Variants in VPS53 observed in about 807,000 individuals in gnomAD.
The protein encoded by VPS53 is VPS53 subunit of GARP complex, also known as vacuolar protein sorting-associated protein 53 homolog.
A neutral mutation model predicts 107.0 loss-of-function variants in VPS53; 70 were observed. That is an observed-to-expected ratio of 0.65 (90% CI 0.54 to 0.80). The LOEUF (loss-of-function observed/expected upper bound fraction) is 0.80, where lower values mean the gene tolerates loss of function less well. Among genes scored for constraint, VPS53 ranks in the 30% least tolerant of loss-of-function variants. The pLI is 0.00. For missense variants in VPS53, 917 were observed against 1,049.4 expected (o/e 0.87, Z 1.74); for synonymous variants, 409 against 393.3 (o/e 1.04, Z -0.47).
intron 13 of VPS53, among the ~76,000 whole-genome samples, chr17:564,250 C>T (rs1466942737): frequency 1.3e-5 from 2 of 151,248 alleles, no homozygotes; most frequent in East Asian, 2.0e-4. Flanking sequence ...CAAAAATTAG[C>T]GTGGTGTGGG....
In VPS53 at chr17:543,279, G is replaced by A. The variant is rs142040019; in HGVS notation, c.1867-6103C>T. On this transcript the variant is annotated intron_variant, in intron 17 of 21. Coordinates refer to ENST00000437048, the MANE Select transcript of VPS53 (RefSeq NM_001128159.3). ...GCATTTTAATGACTGAGGAAAATGA[G>A]AACAGACTTGAGAACTCTTCTACCT... Among the ~76,000 whole-genome samples, 543 of 152,330 alleles carry A rather than the reference G, an allele frequency of 3.6e-3. 1 individual carries two copies. The highest frequency in any genetic ancestry group is 3.7e-3 in the Non-Finnish European group (255 of 68,038).
At chr17:700,905 C>G (rs559299984) in intron 2 of VPS53, among the ~76,000 whole-genome samples, 1 of 152,282 alleles carries the variant, frequency 6.6e-6, no homozygotes, top group South Asian at 2.1e-4. Flanking sequence ...AGGAGCAGGT[C>G]TGGTAAGAGA....
intron 7 of VPS53, among the ~76,000 whole-genome samples, chr17:637,938 T>C (rs937365740): frequency 1.3e-5 from 2 of 152,242 alleles, no homozygotes; most frequent in African/African-American, 4.8e-5. Context: ...TAGGTCCGTT[T>C]GGTGCACAGC....
At chr17:533,488 T>C (rs971295984) in intron 18 of VPS53, among the ~76,000 whole-genome samples, 1 of 152,182 alleles carries the variant, frequency 6.6e-6, no homozygotes, top group Admixed American at 6.5e-5. Flanking sequence ...ACTGAGCCAC[T>C]TGCAGATCCC....
intron 7 of VPS53, among the ~76,000 whole-genome samples, chr17:633,853 G>GCGCACA: frequency 6.6e-6 from 1 of 152,326 alleles, no homozygotes; most frequent in African/African-American, 2.4e-5. Context: ...TTCTTGTGAT[G>GCGCACA]CGCACACGAG....
intron 7 of VPS53, among the ~76,000 whole-genome samples, chr17:641,829 T>A (rs1376141005): frequency 6.6e-6 from 1 of 152,166 alleles, no homozygotes; most frequent in East Asian, 1.9e-4. Flanking sequence ...CCTCCTGGCA[T>A]CCACGTAAGT....
At chr17:649,012 A>G (rs62053772) in intron 7 of VPS53, among the ~76,000 whole-genome samples, 1,856 of 10,860 alleles carry the variant, frequency 0.17, 880 homozygotes, top group South Asian at 0.41. Context: ...ATGAACAGGC[A>G]ATGAAAATCT....
rs1337142277 is a variant in VPS53 at position 519,851 on chromosome 17, G to C, written c.2303C>G (p.Thr768Ser). 1 of 1,551,682 alleles carries C rather than the reference G, an allele frequency of 6.4e-7. No individual in the cohort carries two copies. The highest frequency in any genetic ancestry group is 2.4e-5 in the East Asian group (1 of 40,926). The change falls in exon 21 of 22, where the codon ACC becomes AGC. Residue 768 changes from threonine to serine, a missense_variant. Transcript: ENST00000437048. The surrounding 1 kb of genome is among the most constrained non-coding windows in gnomAD (Gnocchi z 5.0). ...IKLLTDCNTE[T>S]FQKILDMKGL... ...CTTCATGTCCAGTATCTTCTGAAAG[G>C]TTTCTGTGTTGCAGTCTGTGAGAAG...
rs909535792 is a variant in VPS53, at chr17:511,919, G to A, written c.*7209C>T. On this transcript the variant is annotated 3_prime_UTR_variant, in exon 22 of 22. Coordinates refer to ENST00000437048, the MANE Select transcript of VPS53 (RefSeq NM_001128159.3). ...GCAACCCTCGCAATTCGCATTCACA[G>A]GAGACATGCCCTATTTTCCACAACA... is the stretch of plus-strand genomic sequence containing the variant. 2.0e-5 allele frequency: 3 copies of A among 152,206 alleles called. No homozygotes were observed. The highest frequency in any genetic ancestry group is 2.0e-4 in the Admixed American group (3 of 15,262). The allele number at this position is 152,206 out of a possible 1,614,324, so 9.4% of individuals were successfully genotyped here.
chr17:529,156 C>T (rs1909337249), intron 19 of VPS53, among the ~76,000 whole-genome samples: 1 of 151,910 alleles, frequency 6.6e-6, no homozygotes, highest in Non-Finnish European at 1.5e-5. Context: ...TTGAATGATG[C>T]CACTTTGGTC....
In VPS53 at chr17:562,968, G is replaced by A. The variant is rs571391103; in HGVS notation, c.1314-223C>T. On this transcript the variant is annotated intron_variant, in intron 13 of 21. Transcript: ENST00000437048. ...CATATGAGATTCTAATCTCTAAGTC[G>A]ATTGACATTTGTGCTTTATACTTTT... 1.2e-4 allele frequency among the ~76,000 whole-genome samples: 19 copies of A among 152,102 alleles called. 1 individual carries two copies. Among genetic ancestry groups the A allele is most frequent in the African/African-American group, 3.9e-4 (16 of 41,500 alleles).
At chr17:560,386 A>G (rs746702001) in intron 15 of VPS53, 40 bp downstream of exon 15, 12 of 1,594,476 alleles carry the variant, frequency 7.5e-6, no homozygotes, top group Middle Eastern at 4.6e-4. Flanking sequence ...CAGAGGGTTC[A>G]GGAAAAGGAG....
Position 622,311 on chromosome 17 carries a change from T to C in VPS53, c.1116+1222A>G, listed in dbSNP as rs143263150. Reference sequence around the variant, plus strand: ...TCACTACATTACAGCAGAATCGGGATTAGACCACAAGTCTTGACTGCTGGT... The same window carrying C: ...TCACTACATTACAGCAGAATCGGGACTAGACCACAAGTCTTGACTGCTGGT... On this transcript the variant is annotated intron_variant, in intron 11 of 21. Coordinates refer to ENST00000437048, the MANE Select transcript of VPS53 (RefSeq NM_001128159.3). Among the ~76,000 whole-genome samples the C allele has an allele frequency of 8.9e-3, 1,363 of 152,302 alleles. 13 individuals are homozygous for C. Among genetic ancestry groups the C allele is most frequent in the Non-Finnish European group, 0.015 (1,018 of 68,020 alleles).
In VPS53 at chr17:586,303, G is replaced by A; in HGVS notation, c.1280C>T (p.Pro427Leu). ...GGATTCGATATACACGTAGAGATGA[G>A]GCTCAAAACACTTGGAAACAATGCC... ...FHGIVSKCFE[P>L]HLYVYIESQD... is the part of the protein sequence containing the mutation. Residue 427 changes from proline to leucine, a missense_variant, in exon 13 of 22, where the codon CCT becomes CTT. Pro to Leu is a moderately conservative substitution (Grantham distance 98). Transcript: ENST00000437048. 2 of 1,614,082 alleles carry A rather than the reference G, an allele frequency of 1.2e-6. No individual in the cohort carries two copies. Among genetic ancestry groups the A allele is most frequent in the Non-Finnish European group, 1.7e-6 (2 of 1,179,962 alleles).
chr17:628,382 T>C (rs1301688228), intron 8 of VPS53, 151 bp from the exon 9 acceptor site: 12 of 924,960 alleles, frequency 1.3e-5, no homozygotes, highest in Non-Finnish European at 1.9e-5. Context: ...GATCTGTCAG[T>C]TACCTGCTGC....
rs72808253 is a variant in VPS53, at chr17:510,930, G to C, written c.*8198C>G. ...TGGGTATGAGGCTGTGGGGGACTCT[G>C]TGTGTAAACTGATGTTTCTTTGTAT... On this transcript the variant is annotated 3_prime_UTR_variant, in exon 22 of 22. Coordinates refer to ENST00000437048, the MANE Select transcript of VPS53 (RefSeq NM_001128159.3). The C allele has an allele frequency of 6.6e-6, 1 of 152,440 alleles. No homozygotes were observed. Among genetic ancestry groups the C allele is most frequent in the Non-Finnish European group, 1.5e-5 (1 of 68,066 alleles). The allele number at this position is 152,440 out of a possible 1,614,324, so 9.4% of individuals were successfully genotyped here.
intron 7 of VPS53, among the ~76,000 whole-genome samples, chr17:643,520 C>T (rs1460616631): frequency 1.6e-5 from 2 of 127,264 alleles, no homozygotes; most frequent in African/African-American, 6.1e-5. Flanking sequence ...TACTTGGCAA[C>T]TGAGGACAAC....
chr17:540,629 A>C (rs958083073), intron 17 of VPS53: 1 of 152,190 alleles, frequency 6.6e-6, no homozygotes, highest in Non-Finnish European at 1.5e-5. Context: ...GACATTTAGA[A>C]GTTACCCCTC....
chr17:624,336 G>A (rs142574795), intron 10 of VPS53, among the ~76,000 whole-genome samples: 121 of 152,172 alleles, frequency 8.0e-4, no homozygotes, highest in African/African-American at 2.6e-3. Flanking sequence ...TTCAACTAGA[G>A]AGCAGGAGTC....
Sources: allele counts gnomAD v4.1 joint callset (sites outside exome capture counted in the v4.1 genomes callset), GRCh38; gene constraint gnomAD v4.1.1; non-coding constraint Gnocchi (gnomAD v3.1); transcripts MANE v1.5; gene names NCBI Gene and HGNC (gene_info 2026-07-23, HGNC 2026-07-21).